Variants in DACH2 observed in about 807,000 individuals in gnomAD.
DACH2 encodes the protein dachshund homolog 2.
A neutral mutation model predicts 35.8 loss-of-function variants in DACH2; 17 were observed. That is an observed-to-expected ratio of 0.48 (90% CI 0.33 to 0.71). The LOEUF is 0.71. DACH2 is among the 30% of genes least tolerant of loss of function. DACH2 has a pLI of 0.02. For synonymous variants in DACH2, 195 were observed against 177.3 expected, an observed-to-expected ratio of 1.10 and a Z score of -0.79; for missense variants, 469 against 472.7, an observed-to-expected ratio of 0.99 and a Z score of 0.07.
intron 1 of DACH2, among the ~76,000 whole-genome samples, chrX:86,213,002 A>G (rs2032483098): frequency 8.9e-6 from 1 of 111,736 alleles, no homozygotes; most frequent in Non-Finnish European, 1.9e-5. Context: ...GCAGTATTCT[A>G]TTAGCATTCT....
At chrX:86,566,535 C>T (rs2039294557) in intron 3 of DACH2, among the ~76,000 whole-genome samples, 1 of 111,057 alleles carries the variant, frequency 9.0e-6, no homozygotes, top group South Asian at 3.7e-4. Flanking sequence ...AAGCCTTAGT[C>T]GATTAAAAAC....
chrX:86,293,350 C>T (rs988016571), intron 1 of DACH2, among the ~76,000 whole-genome samples: 10 of 109,937 alleles, frequency 9.1e-5, no homozygotes, highest in African/African-American at 3.3e-4. Flanking sequence ...TTCCTGAATA[C>T]AGCACACTGA....
intron 2 of DACH2, among the ~76,000 whole-genome samples, chrX:86,452,646 C>A (rs903813714): frequency 9.0e-6 from 1 of 111,415 alleles, no homozygotes; most frequent in African/African-American, 3.3e-5. Context: ...TGGTTGTTTG[C>A]ATTTCTATGG....
At chrX:86,158,133 C>A (rs1217702690) in intron 1 of DACH2, among the ~76,000 whole-genome samples, 1 of 111,185 alleles carries the variant, frequency 9.0e-6, no homozygotes, top group Non-Finnish European at 1.9e-5. Flanking sequence ...ATAGTAAATG[C>A]GCAGACACTG....
At chrX:86,698,521 GTTTTTTTTT>G (rs767152609) in intron 5 of DACH2, among the ~76,000 whole-genome samples, 1 of 32,955 alleles carries the variant, frequency 3.0e-5, no homozygotes, top group Non-Finnish European at 4.7e-5. Flanking sequence ...TTAGTTTTGT[GTTTTTTTTT>G]TTTTTTTTTT....
intron 7 of DACH2, among the ~76,000 whole-genome samples, chrX:86,771,308 C>G (rs1462019191): frequency 8.9e-6 from 1 of 112,153 alleles, no homozygotes; most frequent in East Asian, 2.8e-4. Flanking sequence ...CTTCTTACTG[C>G]TAAAAAAATG....
chrX:86,386,005 CCTAA>C (rs768226685), intron 2 of DACH2, among the ~76,000 whole-genome samples: 33 of 111,996 alleles, frequency 2.9e-4, no homozygotes, highest in Admixed American at 9.5e-4. Flanking sequence ...ATCAGTTTGT[CCTAA>C]CTAATGAACC....
At chrX:86,165,189 T>G (rs781292625) in intron 1 of DACH2, among the ~76,000 whole-genome samples, 2 of 111,453 alleles carry the variant, frequency 1.8e-5, no homozygotes, top group African/African-American at 6.5e-5. Flanking sequence ...TTATTCTTTT[T>G]GGGGCAATTG....
intron 2 of DACH2, among the ~76,000 whole-genome samples, chrX:86,472,017 C>A (rs1209334946): frequency 9.0e-6 from 1 of 111,613 alleles, no homozygotes; most frequent in Non-Finnish European, 1.9e-5. Context: ...TTTTATTTGT[C>A]AATTAAAAAT....
At chrX:86,455,312 G>A (rs757152156) in intron 2 of DACH2, among the ~76,000 whole-genome samples, 12 of 111,506 alleles carry the variant, frequency 1.1e-4, no homozygotes, top group African/African-American at 3.3e-4. Context: ...TAGAGCAGGT[G>A]TGCTATGTTG....
intron 2 of DACH2, among the ~76,000 whole-genome samples, chrX:86,476,397 A>C (rs2037844304): frequency 9.0e-6 from 1 of 111,620 alleles, no homozygotes; most frequent in Non-Finnish European, 1.9e-5. Flanking sequence ...TTGTATGTGT[A>C]TACAAATTTC....
chrX:86,685,408 C>T (rs2040930889), intron 4 of DACH2, among the ~76,000 whole-genome samples: 1 of 111,651 alleles, frequency 9.0e-6, no homozygotes, highest in Non-Finnish European at 1.9e-5. Flanking sequence ...TTTTTGGTTA[C>T]ATATAAAATA....
chrX:86,224,189 G>A (rs1219940317), intron 1 of DACH2, among the ~76,000 whole-genome samples: 2 of 111,200 alleles, frequency 1.8e-5, no homozygotes, highest in Non-Finnish European at 3.8e-5. Flanking sequence ...ACTGAAAATG[G>A]GAGGAGATAT....
chrX:86,594,240 T>A (rs1310826961), intron 3 of DACH2, among the ~76,000 whole-genome samples: 1 of 111,847 alleles, frequency 8.9e-6, no homozygotes, highest in Non-Finnish European at 1.9e-5. Context: ...ACCTCTTTTG[T>A]TTTCTTAGTT....
intron 2 of DACH2, among the ~76,000 whole-genome samples, chrX:86,387,751 A>G (rs2036141939): frequency 8.9e-6 from 1 of 112,141 alleles, no homozygotes; most frequent in African/African-American, 3.2e-5. Flanking sequence ...TTAGGTTTCA[A>G]TATTCAATAA....
chrX:86,281,876 A>C lies in DACH2; in HGVS notation c.489-94948A>C, dbSNP rs1485767414. Reference sequence around the variant, plus strand: ...CCAATAATAGAGAAACAGAGAACCAAATCATGAGTGAACTCCCATTCACAG... The same window carrying C: ...CCAATAATAGAGAAACAGAGAACCACATCATGAGTGAACTCCCATTCACAG... On this transcript the variant is annotated intron_variant, in intron 1 of 11. Transcript: ENST00000373125. Among the ~76,000 whole-genome samples, 4 of 112,120 alleles carry C rather than the reference A, an allele frequency of 3.6e-5. 1 individual carries two copies. Among genetic ancestry groups the C allele is most frequent in the Non-Finnish European group, 7.5e-5 (4 of 53,234 alleles).
chrX:86,762,990 T>C (rs1173634437), intron 7 of DACH2, among the ~76,000 whole-genome samples: 4 of 111,245 alleles, frequency 3.6e-5, no homozygotes, highest in African/African-American at 1.3e-4. Flanking sequence ...AACCATTATT[T>C]CACTCTCTAT....
At chrX:86,322,372 G>C (rs1433544887) in intron 1 of DACH2, among the ~76,000 whole-genome samples, 1 of 110,682 alleles carries the variant, frequency 9.0e-6, no homozygotes, top group Non-Finnish European at 1.9e-5. Flanking sequence ...TCCTAGAAAA[G>C]AGACAAGATA....
intron 4 of DACH2, among the ~76,000 whole-genome samples, chrX:86,678,505 G>A (rs748535176): frequency 8.9e-6 from 1 of 111,903 alleles, no homozygotes; most frequent in East Asian, 2.8e-4. Context: ...AAGAATTAAT[G>A]TTTTGTGTCA....
Sources: gnomAD v4.1 joint callset for allele counts (sites outside exome capture counted in the v4.1 genomes callset) on GRCh38, gnomAD v4.1.1 for gene constraint, MANE v1.5 for transcripts, NCBI Gene and HGNC (gene_info 2026-07-23, HGNC 2026-07-21) for gene names.